SPECC1L: variants seen among roughly 807,000 people sequenced by gnomAD.
SPECC1L encodes sperm antigen with calponin homology and coiled-coil domains 1 like.
Under a neutral mutation model 116.8 loss-of-function variants are expected in SPECC1L, and 40 were observed. That is an observed-to-expected ratio of 0.34 (90% CI 0.27 to 0.45). The LOEUF (loss-of-function observed/expected upper bound fraction) is 0.45, where lower values mean the gene tolerates loss of function less well. Ranked by LOEUF, SPECC1L falls within the 20% of genes least tolerant of loss-of-function variation. The probability of loss-of-function intolerance (pLI) is 1.00; values close to 1 mark genes in which losing one functional copy is unlikely to be tolerated. For synonymous variants in SPECC1L, 504 were observed against 500.6 expected (o/e 1.01, Z -0.09); for missense variants, 1,110 against 1,373.6 (o/e 0.81, Z 3.03).
At chr22:24,320,312 C>A (rs2040695600) in intron 4 of SPECC1L, among the ~76,000 whole-genome samples, 2 of 152,082 alleles carry the variant, frequency 1.3e-5, no homozygotes, top group Non-Finnish European at 2.9e-5. Context: ...AAAAAAACTT[C>A]CTGTTCTTTT....
rs201313488 is a variant in SPECC1L, at chr22:24,321,671, A to G, written c.691A>G (p.Ile231Val). Residue 231 changes from isoleucine (I) to valine (V), a missense_variant, in exon 5 of 17, where the codon ATT becomes GTT. Transcript: ENST00000314328. Reference sequence around the variant, plus strand: ...TGATGAAAAATCTGAGAAGGAAACTATTATGGCTCACCAGCCGACTGATGT... The same window carrying G: ...TGATGAAAAATCTGAGAAGGAAACTGTTATGGCTCACCAGCCGACTGATGT... ...EGDEKSEKET[I>V]MAHQPTDVES... 19 of 1,614,136 alleles carry G rather than the reference A, an allele frequency of 1.2e-5. No homozygotes were observed. Among genetic ancestry groups the G allele is most frequent in the African/African-American group, 2.7e-5 (2 of 74,950 alleles).
chr22:24,298,751 C>T (rs2049317336), intron 2 of SPECC1L, among the ~76,000 whole-genome samples: 1 of 152,186 alleles, frequency 6.6e-6, no homozygotes, highest in South Asian at 2.1e-4. Context: ...TTGTTTTATT[C>T]AGGTCTACAG....
At chr22:24,406,699 T>C (rs1429394334) in intron 14 of SPECC1L, among the ~76,000 whole-genome samples, 2 of 152,174 alleles carry the variant, frequency 1.3e-5, no homozygotes, top group African/African-American at 4.8e-5. Context: ...CATGCGATTT[T>C]GTGTCGTTTC....
At chr22:24,304,432 A>T (rs1039067123) in intron 3 of SPECC1L, 1 of 152,270 alleles carries the variant, frequency 6.6e-6, no homozygotes, top group African/African-American at 2.4e-5. Context: ...TTGTAAATAC[A>T]AAACACTACT....
intron 14 of SPECC1L, among the ~76,000 whole-genome samples, chr22:24,405,219 G>T (rs543001506): frequency 3.9e-5 from 6 of 152,082 alleles, no homozygotes; most frequent in African/African-American, 1.4e-4. Flanking sequence ...CTGGGATTTC[G>T]AGCTAGTTTG....
chr22:24,334,275 G>A, intron 8 of SPECC1L, 135 bp from the exon 9 acceptor site: 1 of 830,584 alleles, frequency 1.2e-6, no homozygotes, highest in Non-Finnish European at 2.0e-6. Context: ...GCCTCCCAAA[G>A]TGCTGGGATT....
chr22:24,316,920 ACCTC>A (rs2040585363), intron 4 of SPECC1L, among the ~76,000 whole-genome samples: 1 of 80,972 alleles, frequency 1.2e-5, no homozygotes, highest in African/African-American at 4.6e-5. Flanking sequence ...GACCCCCCCA[ACCTC>A]CCTCCCAGAC....
At chr22:24,364,323 G>C (rs2041706440) in intron 12 of SPECC1L, among the ~76,000 whole-genome samples, 1 of 152,130 alleles carries the variant, frequency 6.6e-6, no homozygotes, top group Non-Finnish European at 1.5e-5. Context: ...CCCAACAGTT[G>C]ACTTGATACG....
At chr22:24,302,045 C>T (rs969289231) in intron 2 of SPECC1L, 150 bp from the exon 3 acceptor site, 7 of 464,578 alleles carry the variant, frequency 1.5e-5, no homozygotes, top group Non-Finnish European at 2.6e-5. Flanking sequence ...GACTCCGTCT[C>T]AAAAAAAAAA....
chr22:24,292,104 C>T (rs890991905), intron 2 of SPECC1L, among the ~76,000 whole-genome samples: 1 of 152,118 alleles, frequency 6.6e-6, no homozygotes, highest in Non-Finnish European at 1.5e-5. Flanking sequence ...GAGGGGTTCC[C>T]GTCCCACCCT....
chr22:24,348,504 T>C (rs2041351281), intron 11 of SPECC1L, among the ~76,000 whole-genome samples: 1 of 152,218 alleles, frequency 6.6e-6, no homozygotes, highest in African/African-American at 2.4e-5. Context: ...ACTACCTCCC[T>C]GGCACAAAGA....
At chr22:24,367,932 TG>T (rs2041803067) in intron 13 of SPECC1L, among the ~76,000 whole-genome samples, 1 of 152,210 alleles carries the variant, frequency 6.6e-6, no homozygotes, top group African/African-American at 2.4e-5. Flanking sequence ...CTAGTCAAGC[TG>T]CCGGTTACAT....
rs527791829 is a variant in SPECC1L at position 24,320,039 on chromosome 22, C to T, written c.308-1249C>T. Among the ~76,000 whole-genome samples, 10 of 152,298 alleles carry T rather than the reference C, an allele frequency of 6.6e-5. 1 individual carries two copies. The South Asian group carries it at 8.3e-4, about 13-fold the overall frequency. ...CTGTAATCCCAGCACGCTGGGAGAC[C>T]GACGCGGGCAGATCATTTGAGGTCA... On this transcript the variant is annotated intron_variant, in intron 4 of 16. Transcript: ENST00000314328.
intron 14 of SPECC1L, among the ~76,000 whole-genome samples, chr22:24,369,965 A>T: frequency 6.6e-6 from 1 of 152,248 alleles, no homozygotes; most frequent in East Asian, 1.9e-4. Context: ...AGTTACAGAG[A>T]TTCTCCCCAG....
chr22:24,278,811 G>C lies in SPECC1L; in HGVS notation c.-38+2008G>C, dbSNP rs1188486706. Among the ~76,000 whole-genome samples the C allele has an allele frequency of 2.6e-5, 4 of 152,204 alleles. No individual in the cohort carries two copies. In the South Asian group the frequency reaches 8.3e-4, roughly 32 times the overall value. ...AATAGGTATTACTATTAGTCACTTT[G>C]CAGGTGAAAGTGGAAACACCATCGT... On this transcript the variant is annotated intron_variant, in intron 2 of 16. Transcript: ENST00000314328.
intron 14 of SPECC1L, among the ~76,000 whole-genome samples, chr22:24,404,509 A>T (rs1424103337): frequency 6.6e-6 from 1 of 152,128 alleles, no homozygotes; most frequent in East Asian, 1.9e-4. Flanking sequence ...GCCCATCCGG[A>T]GCACTGCATG....
At chr22:24,303,489 C>T (rs942231180) in intron 3 of SPECC1L, among the ~76,000 whole-genome samples, 4 of 152,146 alleles carry the variant, frequency 2.6e-5, no homozygotes, top group Non-Finnish European at 5.9e-5. Context: ...CATTTTCTGA[C>T]CTAACTGGTT....
chr22:24,353,604 C>T (rs954687232), intron 11 of SPECC1L, among the ~76,000 whole-genome samples: 3 of 152,036 alleles, frequency 2.0e-5, no homozygotes, highest in Admixed American at 6.6e-5. Flanking sequence ...GATGGAGTTT[C>T]ACCATATTGG....
Position 24,334,399 on chromosome 22 carries a change from A to G in SPECC1L, c.2397-11A>G. The G allele has an allele frequency of 6.2e-7, 1 of 1,613,956 alleles. No homozygotes were observed. Among genetic ancestry groups the G allele is most frequent in the South Asian group, 1.1e-5 (1 of 91,082 alleles). On this transcript the variant is annotated splice_polypyrimidine_tract_variant and intron_variant, in intron 8 of 16. Transcript: ENST00000314328. ...TATGTAAAAATGCTCTGATTTCAAT[A>G]TTATTTTCAGGCAAGAGGAGGAGCG...
Sources: gnomAD v4.1 joint callset for allele counts (sites outside exome capture counted in the v4.1 genomes callset) on GRCh38, gnomAD v4.1.1 for gene constraint, MANE v1.5 for transcripts, NCBI Gene and HGNC (gene_info 2026-07-23, HGNC 2026-07-21) for gene names.